The following SNX1 variants were observed in gnomAD, a reference collection of about 807,000 sequenced individuals.
SNX1 encodes sorting nexin 1, also known as sorting nexin-1.
A neutral mutation model predicts 71.8 loss-of-function variants in SNX1; 36 were observed. That is an observed-to-expected ratio of 0.50 (90% CI 0.38 to 0.66). The LOEUF (loss-of-function observed/expected upper bound fraction) is 0.66, where lower values mean the gene tolerates loss of function less well. Among genes scored for constraint, SNX1 ranks in the 30% least tolerant of loss-of-function variants. The probability of loss-of-function intolerance (pLI) is 0.00; values close to 1 mark genes in which losing one functional copy is unlikely to be tolerated. For synonymous variants in SNX1, 254 were observed against 240.7 expected, an observed-to-expected ratio of 1.06 and a Z score of -0.51; for missense variants, 612 against 646.7, an observed-to-expected ratio of 0.95 and a Z score of 0.58.
chr15:64,108,401 T>C (rs1344926800), intron 1 of SNX1, among the ~76,000 whole-genome samples: 2 of 152,120 alleles, frequency 1.3e-5, no homozygotes, highest in African/African-American at 4.8e-5. Context: ...GCATATGAAG[T>C]GTGTTATAAT....
At chr15:64,113,477 T>C (rs1379179739) in intron 2 of SNX1, among the ~76,000 whole-genome samples, 1 of 152,086 alleles carries the variant, frequency 6.6e-6, no homozygotes, top group Non-Finnish European at 1.5e-5. Context: ...CAACAAGGAA[T>C]TGTTTAGCCT....
At chr15:64,130,369 T>C in intron 10 of SNX1, 48 bp downstream of exon 10, 2 of 1,446,140 alleles carry the variant, frequency 1.4e-6, no homozygotes, top group Non-Finnish European at 1.9e-6. Flanking sequence ...TTGTTGTCTC[T>C]AGTGAACTGG....
chr15:64,100,622 AAAAAGAGACTC>A, intron 1 of SNX1, among the ~76,000 whole-genome samples: 1 of 132,220 alleles, frequency 7.6e-6, no homozygotes, highest in Non-Finnish European at 1.7e-5. Flanking sequence ...AAAAAAAAAA[AAAAAGAGACTC>A]AAAAAAATTA....
chr15:64,128,763 G>A (rs1431369236), intron 8 of SNX1, among the ~76,000 whole-genome samples: 1 of 152,174 alleles, frequency 6.6e-6, no homozygotes, highest in Non-Finnish European at 1.5e-5. Flanking sequence ...GTCTGTAGCA[G>A]CACTGTGGAC....
At chr15:64,126,317 A>T in intron 6 of SNX1, 97 bp downstream of exon 6, 1 of 1,274,610 alleles carries the variant, frequency 7.8e-7, no homozygotes. Flanking sequence ...TTCTATTAAC[A>T]GTCTTGTGGT....
intron 3 of SNX1, among the ~76,000 whole-genome samples, chr15:64,118,473 G>A (rs1001877201): frequency 7.2e-5 from 11 of 152,324 alleles, no homozygotes; most frequent in South Asian, 6.2e-4. Context: ...CTTAGTGTGC[G>A]AAGCTTCCAC....
chr15:64,107,913 G>T (rs2081038876), intron 1 of SNX1, among the ~76,000 whole-genome samples: 1 of 152,084 alleles, frequency 6.6e-6, no homozygotes, highest in South Asian at 2.1e-4. Flanking sequence ...TGGGTTATTG[G>T]CCGGGCGCAG....
At chr15:64,111,014 G>A (rs1044345606) in intron 1 of SNX1, among the ~76,000 whole-genome samples, 3 of 152,144 alleles carry the variant, frequency 2.0e-5, no homozygotes, top group Admixed American at 1.3e-4. Context: ...AATTACATTT[G>A]TATACATGTA....
At chr15:64,108,616 CTG>C (rs2081046905) in intron 1 of SNX1, among the ~76,000 whole-genome samples, 1 of 152,142 alleles carries the variant, frequency 6.6e-6, no homozygotes, top group African/African-American at 2.4e-5. Flanking sequence ...CAAAGGCCAA[CTG>C]TGTACAAGGT....
chr15:64,119,681 G>A (rs1306904576), intron 4 of SNX1, among the ~76,000 whole-genome samples: 4 of 150,294 alleles, frequency 2.7e-5, no homozygotes, highest in Non-Finnish European at 5.9e-5. Flanking sequence ...CTGAGATCAT[G>A]CCACTGCCCT....
rs191261182 is a variant in SNX1 at position 64,123,140 on chromosome 15, T to G, written c.467-363T>G. ...ATACAGCAAGAGAATTGTTTGGTTT[T>G]GGACAGATGTGTGTAACCAGCCCAA... On this transcript the variant is annotated intron_variant, in intron 4 of 14. Coordinates refer to ENST00000559844, the MANE Select transcript of SNX1 (RefSeq NM_003099.5). Among the ~76,000 whole-genome samples the G allele has an allele frequency of 1.5e-3, 236 of 152,368 alleles. 2 individuals carry two copies. The highest frequency in any genetic ancestry group is 2.1e-3 in the Non-Finnish European group (143 of 68,038).
At chr15:64,137,078 G>T in intron 14 of SNX1, 146 bp downstream of exon 14, 1 of 626,422 alleles carries the variant, frequency 1.6e-6, no homozygotes, top group South Asian at 2.0e-5. Flanking sequence ...AGGTCCTGCT[G>T]CTCTGACATG....
In SNX1 at chr15:64,126,210, G is replaced by A. The variant is rs80217535; in HGVS notation, c.642G>A (p.Lys214=). The A allele has an allele frequency of 1.1e-4, 177 of 1,613,842 alleles. No individual in the cohort carries two copies. In the African/African-American group the frequency reaches 2.3e-3, roughly 21 times the overall value. Residue 214 remains lysine, a synonymous_variant, in exon 6 of 15, where the codon AAG becomes AAA. Transcript: ENST00000559844. ...NGFIVPPPPE[K]SLIGMTKVKV... is the part of the protein sequence containing the mutation. The stretch of plus-strand genomic sequence containing the variant: ...TCATTGTCCCTCCGCCCCCGGAGAA[G>A]AGCCTCATAGGTAAGCCTGTGGTCT...
intron 1 of SNX1, among the ~76,000 whole-genome samples, chr15:64,098,336 A>G (rs891387437): frequency 6.6e-6 from 1 of 152,262 alleles, no homozygotes. Flanking sequence ...GATTGGTCAC[A>G]TAGGCAAATG....
Position 64,134,780 on chromosome 15 carries a change from G to A in SNX1, c.1338G>A (p.Leu446=), listed in dbSNP as rs2081340482. Residue 446 remains leucine (L), a synonymous_variant, in exon 12 of 15, where the codon CTG becomes CTA. Transcript: ENST00000559844. This position sits in a 1 kb window ranked among gnomAD's most constrained non-coding sequence, Gnocchi z 4.1. ...TGTGGGCCAACAAGCCTGATAAGCT[G>A]CAGCAGGCCAAGGACGAGATCCTCG... ...RLLWANKPDK[L]QQAKDEILEW... 3.7e-6 allele frequency: 6 copies of A among 1,614,024 alleles called. No individual in the cohort carries two copies. The highest frequency in any genetic ancestry group is 5.1e-6 in the Non-Finnish European group (6 of 1,180,030).
At chr15:64,104,731 A>C (rs78864631) in intron 1 of SNX1, among the ~76,000 whole-genome samples, 3,125 of 151,836 alleles carry the variant, frequency 0.021, 124 homozygotes, top group African/African-American at 0.072. Context: ...CTAAAAATAC[A>C]AAATTTAGCT....
At chr15:64,104,653 G>C (rs2081000150) in intron 1 of SNX1, among the ~76,000 whole-genome samples, 1 of 151,732 alleles carries the variant, frequency 6.6e-6, no homozygotes, top group Non-Finnish European at 1.5e-5. Context: ...GGGAGGCCAA[G>C]GCAGGTAGAT....
intron 1 of SNX1, among the ~76,000 whole-genome samples, chr15:64,105,529 G>C (rs974932990): frequency 6.6e-6 from 1 of 152,172 alleles, no homozygotes; most frequent in African/African-American, 2.4e-5. Flanking sequence ...ACTTTTTCTG[G>C]CTTATTCTTT....
chr15:64,112,749 A>C, intron 2 of SNX1, 65 bp downstream of exon 2: 1 of 1,034,104 alleles, frequency 9.7e-7, no homozygotes, highest in Non-Finnish European at 1.4e-6. Context: ...TGCTGAGTTA[A>C]AGTCAAAACC....
Sources: gnomAD v4.1 joint callset for allele counts (sites outside exome capture counted in the v4.1 genomes callset) on GRCh38, gnomAD v4.1.1 for gene constraint, Gnocchi (gnomAD v3.1) non-coding constraint, MANE v1.5 for transcripts, NCBI Gene and HGNC (gene_info 2026-07-23, HGNC 2026-07-21) for gene names.